BPI: variants seen among roughly 807,000 people sequenced by gnomAD.
The protein encoded by BPI is bactericidal permeability-increasing protein.
BPI carries 48 observed loss-of-function variants against 57.6 expected under a neutral mutation model. The ratio of observed to expected loss-of-function variants is 0.83; its 90% CI spans 0.66 to 1.06. BPI has a LOEUF of 1.06. BPI is among the 50% of genes least tolerant of loss of function. The pLI is 0.00. For missense variants in BPI, 651 were observed against 609.7 expected (o/e 1.07, Z -0.71); for synonymous variants, 237 against 238.2 (o/e 0.99, Z 0.05).
chr20:38,307,671 A>C lies in BPI; in HGVS notation c.235A>C (p.Ser79Arg), dbSNP rs2076603453. The change falls in exon 2 of 15, where the codon AGC becomes CGC. Residue 79 changes from serine (S) to arginine (R), a missense_variant. Transcript: ENST00000642449. Reference protein sequence around the residue: ...KIKHLGKGHYSFYSMDIREFQ... With the variant: ...KIKHLGKGHYRFYSMDIREFQ... ...CAAGCATCTTGGGAAGGGGCATTAT[A>C]GCTTCTACAGGTGAGGCCTATCAGA... The C allele has an allele frequency of 1.2e-6, 2 of 1,610,464 alleles. No individual in the cohort carries two copies. Among genetic ancestry groups the C allele is most frequent in the Non-Finnish European group, 1.7e-6 (2 of 1,178,010 alleles).
chr20:38,321,206 C>CGGATGAGTGGGTGGATGAAT (rs1257064451), intron 7 of BPI, among the ~76,000 whole-genome samples: 1 of 29,328 alleles, frequency 3.4e-5, no homozygotes, highest in Admixed American at 4.7e-4. Flanking sequence ...GATGGGTAGG[C>CGGATGAGTGGGTGGATGAAT]GGATGAGTGG....
At chr20:38,325,000 T>C (rs2076705297) in intron 9 of BPI, among the ~76,000 whole-genome samples, 167 bp downstream of exon 9, 2 of 152,084 alleles carry the variant, frequency 1.3e-5, no homozygotes, top group Non-Finnish European at 1.5e-5. Flanking sequence ...AGAGAAAAGC[T>C]CCAAGCGCCC....
intron 13 of BPI, 39 bp from the exon 14 acceptor site, chr20:38,335,555 CTCTT>C: frequency 6.3e-7 from 1 of 1,575,112 alleles, no homozygotes. Context: ...CCCTGCCCTT[CTCTT>C]TCTTTTCTCC....
intron 11 of BPI, among the ~76,000 whole-genome samples, chr20:38,328,654 G>A (rs76151089): frequency 0.019 from 2,958 of 152,054 alleles, 93 homozygotes; most frequent in African/African-American, 0.068. Context: ...TCCAGGGATA[G>A]AATAAACACT....
At chr20:38,318,500 G>C in intron 6 of BPI, 24 bp downstream of exon 6, 2 of 1,606,606 alleles carry the variant, frequency 1.2e-6, no homozygotes. Context: ...GAAGATCAAG[G>C]ATAGAAAGGA....
Position 38,337,142 on chromosome 20 carries a change from C to T in BPI, c.1414-4C>T, listed in dbSNP as rs766415626. The stretch of plus-strand genomic sequence containing the variant: ...CTGGTGACAACATTCTCATCTCTCC[C>T]TAGAACTTCCTGCTGTTCGGTGCAG... On this transcript the variant is annotated splice_polypyrimidine_tract_variant and splice_region_variant and intron_variant, in intron 14 of 14. Coordinates refer to ENST00000642449, the MANE Select transcript of BPI (RefSeq NM_001725.3). 13 of 1,602,920 alleles carry T rather than the reference C, an allele frequency of 8.1e-6. No individual in the cohort carries two copies. The highest frequency in any genetic ancestry group is 1.1e-5 in the Non-Finnish European group (13 of 1,175,572).
At chr20:38,304,477 C>T (rs1568806641) in intron 1 of BPI, 124 bp downstream of exon 1, 24 of 1,323,870 alleles carry the variant, frequency 1.8e-5, no homozygotes, top group East Asian at 5.1e-5. Context: ...GGTCCCCTTG[C>T]CCCCATTTTA....
chr20:38,337,260 G>C lies in BPI; in HGVS notation c.*76G>C. On this transcript the variant is annotated 3_prime_UTR_variant, in exon 15 of 15. Transcript: ENST00000642449. ...GTGGGGCACCGGCTGCCTTTCCCCA[G>C]GGAATCCTCTCCAGATCTTAACCAA... The C allele has an allele frequency of 7.6e-7, 1 of 1,311,244 alleles. No individual in the cohort carries two copies. Among genetic ancestry groups the C allele is most frequent in the Non-Finnish European group, 1.1e-6 (1 of 946,208 alleles). The allele number at this position is 1,311,244 out of a possible 1,614,324, so 81.2% of individuals were successfully genotyped here.
chr20:38,312,299 C>G (rs1367266707), intron 5 of BPI, among the ~76,000 whole-genome samples: 1 of 152,238 alleles, frequency 6.6e-6, no homozygotes, highest in Admixed American at 6.5e-5. Flanking sequence ...AAGTTCCTTC[C>G]TTGATGCTCC....
intron 14 of BPI, among the ~76,000 whole-genome samples, chr20:38,336,570 G>A (rs115703145): frequency 1.0e-3 from 154 of 151,926 alleles, no homozygotes; most frequent in African/African-American, 3.6e-3. Flanking sequence ...GGGGAGCCTC[G>A]CATCACCCAG....
chr20:38,307,373 C>A (rs2076601795), intron 1 of BPI, among the ~76,000 whole-genome samples, 194 bp from the exon 2 acceptor site: 1 of 152,166 alleles, frequency 6.6e-6, no homozygotes, highest in South Asian at 2.1e-4. Flanking sequence ...GTGACAGAGG[C>A]AATATGGTTT....
intron 5 of BPI, among the ~76,000 whole-genome samples, chr20:38,315,975 G>C (rs1478531893): frequency 1.3e-5 from 2 of 151,812 alleles, no homozygotes; most frequent in Non-Finnish European, 2.9e-5. Context: ...TGGGATTACA[G>C]GTATCTGCCA....
intron 5 of BPI, among the ~76,000 whole-genome samples, chr20:38,315,835 CTT>C (rs374398594): frequency 8.2e-4 from 109 of 132,178 alleles, no homozygotes; most frequent in Middle Eastern, 3.8e-3. Context: ...CTTTTCTTTT[CTT>C]TTTTTTTTTT....
chr20:38,317,855 G>A, intron 5 of BPI: 2 of 1,484,906 alleles, frequency 1.3e-6, no homozygotes, highest in Non-Finnish European at 1.8e-6. Context: ...GCTAGTGTTT[G>A]TTCCATTGTG....
Position 38,304,344 on chromosome 20 carries a change from C to T in BPI, c.121C>T (p.Leu41=). Reference sequence around the variant, plus strand: ...CGTGGTCAGGATCTCCCAGAAGGGCCTGGACTACGGTAACTGGATGCCTCC... The same window carrying T: ...CGTGGTCAGGATCTCCCAGAAGGGCTTGGACTACGGTAACTGGATGCCTCC... ...GVVVRISQKG[L]DYASQQGTAA... Residue 41 remains leucine, a synonymous_variant, in exon 1 of 15, where the codon CTG becomes TTG. Transcript: ENST00000642449. 1 of 1,613,610 alleles carries T rather than the reference C, an allele frequency of 6.2e-7. No homozygotes were observed. Among genetic ancestry groups the T allele is most frequent in the African/African-American group, 1.3e-5 (1 of 75,044 alleles).
intron 2 of BPI, among the ~76,000 whole-genome samples, chr20:38,307,988 T>A (rs1415749753): frequency 6.6e-6 from 1 of 152,226 alleles, no homozygotes; most frequent in Non-Finnish European, 1.5e-5. Flanking sequence ...TTGGCTCACA[T>A]GGCCGGAAAG....
At chr20:38,330,901 G>C in intron 11 of BPI, 147 bp from the exon 12 acceptor site, 1 of 855,216 alleles carries the variant, frequency 1.2e-6, no homozygotes, top group East Asian at 2.5e-5. Flanking sequence ...AGGCAACATC[G>C]GGGGGCTGTG....
rs571648809 is a variant in BPI at position 38,326,203 on chromosome 20, G to T, written c.994-62G>T. ...TTTAAGTAGGGGCAGGCCAAGGTAG[G>T]ATTCAGAAACATTTTAACAGAAACT... On this transcript the variant is annotated intron_variant, in intron 9 of 14. Transcript: ENST00000642449. 62 of 1,527,410 alleles carry T rather than the reference G, an allele frequency of 4.1e-5. No homozygotes were observed. The East Asian group carries it at 1.3e-3, about 33-fold the overall frequency. 94.6% of individuals were successfully genotyped at this position (1,527,410 alleles called of 1,614,324 possible).
At chr20:38,325,996 G>C (rs1166302710) in intron 9 of BPI, among the ~76,000 whole-genome samples, 5 of 152,112 alleles carry the variant, frequency 3.3e-5, no homozygotes, top group Admixed American at 6.6e-5. Flanking sequence ...GGGGAACAGA[G>C]AGTGCAAAGG....
Sources: allele counts gnomAD v4.1 joint callset (sites outside exome capture counted in the v4.1 genomes callset), GRCh38; gene constraint gnomAD v4.1.1; transcripts MANE v1.5; gene names NCBI Gene and HGNC (gene_info 2026-07-23, HGNC 2026-07-21).